The following CHKA variants were observed in gnomAD, a reference collection of about 807,000 sequenced individuals.
CHKA encodes choline kinase alpha.
A neutral mutation model predicts 60.1 loss-of-function variants in CHKA; 34 were observed. The observed-to-expected ratio is 0.57, with a 90% CI of 0.43 to 0.75. CHKA has a LOEUF of 0.75. CHKA is among the 30% of genes least tolerant of loss of function. The pLI is 0.00. For missense variants in CHKA, 563 were observed against 561.3 expected (o/e 1.00, Z -0.03); for synonymous variants, 217 against 223.1 (o/e 0.97, Z 0.24).
intron 1 of CHKA, among the ~76,000 whole-genome samples, chr11:68,108,627 C>A (rs534475092): frequency 6.6e-6 from 1 of 152,178 alleles, no homozygotes; most frequent in South Asian, 2.1e-4. Flanking sequence ...GCCTGTAGTC[C>A]CAGCCACTTG....
intron 10 of CHKA, among the ~76,000 whole-genome samples, chr11:68,062,584 C>T (rs1856289794): frequency 6.6e-6 from 1 of 152,168 alleles, no homozygotes; most frequent in South Asian, 2.1e-4. Flanking sequence ...TGTACCAAGC[C>T]CCCAAGTCAC....
chr11:68,058,278 T>G (rs972256116), intron 11 of CHKA, among the ~76,000 whole-genome samples: 1 of 152,198 alleles, frequency 6.6e-6, no homozygotes, highest in East Asian at 1.9e-4. Context: ...GTCTTCTTTG[T>G]TCTTTTACAA....
intron 2 of CHKA, among the ~76,000 whole-genome samples, chr11:68,086,918 G>A (rs577594579): frequency 4.1e-4 from 62 of 152,230 alleles, no homozygotes; most frequent in Non-Finnish European, 6.9e-4. Flanking sequence ...CCCGGGAGGC[G>A]GAGCTTGCAG....
chr11:68,121,016 C>A lies in CHKA; in HGVS notation c.162G>T (p.Pro54=). Residue 54 remains proline, a synonymous_variant, in exon 1 of 12, where the codon CCG becomes CCT. Coordinates refer to ENST00000265689, the MANE Select transcript of CHKA (RefSeq NM_001277.3). ...ESKQLGGQQP[P]LALPPPPPLP... is the part of the protein sequence containing the mutation. ...GCGGCGGCGGAGGGGGCAGCGCGAG[C>A]GGCGGCTGTTGGCCGCCCAGCTGCT... 1 of 1,106,402 alleles carries A rather than the reference C, an allele frequency of 9.0e-7. No homozygotes were observed. The highest frequency in any genetic ancestry group is 1.1e-6 in the Non-Finnish European group (1 of 908,586). 68.5% of individuals were successfully genotyped at this position (1,106,402 alleles called of 1,614,324 possible).
chr11:68,055,903 C>A (rs1855998413), intron 11 of CHKA, among the ~76,000 whole-genome samples: 1 of 151,720 alleles, frequency 6.6e-6, no homozygotes, highest in Non-Finnish European at 1.5e-5. Flanking sequence ...AAAAAATTAG[C>A]CAGGCATGGT....
chr11:68,111,477 G>A (rs1258535056), intron 1 of CHKA, among the ~76,000 whole-genome samples: 3 of 151,812 alleles, frequency 2.0e-5, no homozygotes, highest in Non-Finnish European at 4.4e-5. Flanking sequence ...TACTCAGGAG[G>A]CTGAGGCATG....
rs759719763 is a variant in CHKA at position 68,066,492 on chromosome 11, C to T, written c.953G>A (p.Arg318Gln). ...QEGNILLLEG[R>Q]ENSEKQKLML... ...CAGTTTCTGTTTTTCAGAATTCTCTCGGCCTTCCAGCAACAAGATATTACC... is the reference window on the plus strand; with the variant it reads ...CAGTTTCTGTTTTTCAGAATTCTCTTGGCCTTCCAGCAACAAGATATTACC... The change falls in exon 8 of 12, where the codon CGA becomes CAA. Residue 318 changes from arginine (R) to glutamine (Q), a missense_variant. Physicochemically the swap from Arg to Gln is conservative, Grantham distance 43. Coordinates refer to ENST00000265689, the MANE Select transcript of CHKA (RefSeq NM_001277.3). 17 of 1,614,012 alleles carry T rather than the reference C, an allele frequency of 1.1e-5. No individual in the cohort carries two copies. In the South Asian group the frequency reaches 1.2e-4, roughly 11 times the overall value.
chr11:68,063,702 G>A (rs1462934928), intron 10 of CHKA, among the ~76,000 whole-genome samples: 2 of 152,048 alleles, frequency 1.3e-5, no homozygotes, highest in Non-Finnish European at 2.9e-5. Flanking sequence ...CCTGGCAGGA[G>A]GTGATTAGAT....
In CHKA at chr11:68,120,987, G is replaced by C. The variant is rs898767014; in HGVS notation, c.191C>G (p.Pro64Arg). The change falls in exon 1 of 12, where the codon CCG (proline) becomes CGG (arginine). Residue 64 changes from proline to arginine, a missense_variant. Physicochemically the swap from Pro to Arg is moderately radical, Grantham distance 103. Transcript: ENST00000265689. ...PLALPPPPPL[P>R]LPLPLPQPPP... Reference sequence around the variant, plus strand: ...GGGCTGGGGCAGCGGCAGCGGCAGCGGCAGCGGCGGCGGAGGGGGCAGCGC... The same window carrying C: ...GGGCTGGGGCAGCGGCAGCGGCAGCCGCAGCGGCGGCGGAGGGGGCAGCGC... The C allele has an allele frequency of 2.7e-6, 3 of 1,119,906 alleles. No homozygotes were observed. The highest frequency in any genetic ancestry group is 3.3e-6 in the Non-Finnish European group (3 of 916,330). The allele number at this position is 1,119,906 out of a possible 1,614,324, so 69.4% of individuals were successfully genotyped here.
chr11:68,070,872 G>A lies in CHKA; in HGVS notation c.631-15C>T, dbSNP rs374700961. ...AATCGCCGGCTCTGAAAAAGAAAAG[G>A]GAGTTAAAAACTGACATTTACCAAG... On this transcript the variant is annotated splice_polypyrimidine_tract_variant and intron_variant, in intron 4 of 11. Coordinates refer to ENST00000265689, the MANE Select transcript of CHKA (RefSeq NM_001277.3). The A allele has an allele frequency of 4.0e-5, 64 of 1,601,354 alleles. No homozygotes were observed. The highest frequency in any genetic ancestry group is 5.4e-5 in the Non-Finnish European group (63 of 1,171,416).
intron 1 of CHKA, among the ~76,000 whole-genome samples, chr11:68,099,602 A>C (rs1215355705): frequency 7.9e-6 from 1 of 126,064 alleles, no homozygotes; most frequent in Admixed American, 7.6e-5. Context: ...CGTGTAGATC[A>C]AAGGAACCAA....
At chr11:68,117,060 C>T (rs1465892313) in intron 1 of CHKA, among the ~76,000 whole-genome samples, 1 of 152,046 alleles carries the variant, frequency 6.6e-6, no homozygotes, top group Non-Finnish European at 1.5e-5. Flanking sequence ...TTCAATCTAA[C>T]AAGAGAATGG....
intron 2 of CHKA, among the ~76,000 whole-genome samples, chr11:68,096,084 C>T (rs1857506320): frequency 6.6e-6 from 1 of 151,800 alleles, no homozygotes; most frequent in Non-Finnish European, 1.5e-5. Flanking sequence ...CTCAACCTGG[C>T]CGGGTGCGGT....
intron 11 of CHKA, among the ~76,000 whole-genome samples, chr11:68,054,952 T>G (rs1855950368): frequency 6.6e-6 from 1 of 152,236 alleles, no homozygotes; most frequent in African/African-American, 2.4e-5. Context: ...TCACTCAGCG[T>G]GCTGTCTCTG....
At chr11:68,059,074 T>C (rs547403893) in intron 11 of CHKA, among the ~76,000 whole-genome samples, 1 of 152,314 alleles carries the variant, frequency 6.6e-6, no homozygotes, top group South Asian at 2.1e-4. Context: ...TTCTGTATTT[T>C]AGTAGAGACG....
At chr11:68,069,885 C>G (rs377226549) in intron 6 of CHKA, among the ~76,000 whole-genome samples, 1 of 152,210 alleles carries the variant, frequency 6.6e-6, no homozygotes, top group East Asian at 1.9e-4. Flanking sequence ...TTCTCCCCAC[C>G]AGAGAAAATC....
chr11:68,119,240 C>G (rs1230273787), intron 1 of CHKA, among the ~76,000 whole-genome samples: 1 of 152,210 alleles, frequency 6.6e-6, no homozygotes, highest in Non-Finnish European at 1.5e-5. Flanking sequence ...TTAACTCTCA[C>G]TCTTAGCTCA....
At chr11:68,096,802 A>G (rs1857529123) in intron 2 of CHKA, among the ~76,000 whole-genome samples, 1 of 152,228 alleles carries the variant, frequency 6.6e-6, no homozygotes, top group Admixed American at 6.5e-5. Context: ...GAATACTTGC[A>G]CTAGTTTACT....
At chr11:68,108,213 G>A (rs1476432302) in intron 1 of CHKA, among the ~76,000 whole-genome samples, 2 of 152,190 alleles carry the variant, frequency 1.3e-5, no homozygotes, top group African/African-American at 4.8e-5. Flanking sequence ...AGCTAATGAG[G>A]AGGGTGAGGT....
Sources: allele counts gnomAD v4.1 joint callset (sites outside exome capture counted in the v4.1 genomes callset), GRCh38; gene constraint gnomAD v4.1.1; transcripts MANE v1.5; gene names NCBI Gene and HGNC (gene_info 2026-07-23, HGNC 2026-07-21).